B3GALT1: variants seen among roughly 807,000 people sequenced by gnomAD.
B3GALT1 encodes the protein beta-1,3-galactosyltransferase 1.
In B3GALT1, 10 loss-of-function variants were observed where a neutral mutation model predicts 23.2. That is an observed-to-expected ratio of 0.43 (90% confidence interval 0.27 to 0.73). B3GALT1 has a LOEUF of 0.73. B3GALT1 is among the 30% of genes least tolerant of loss of function. B3GALT1 has a pLI of 0.21. For synonymous variants in B3GALT1, 156 were observed against 141.5 expected (o/e 1.10, Z -0.73); for missense variants, 299 against 405.4 (o/e 0.74, Z 2.25).
intron 1 of B3GALT1, among the ~76,000 whole-genome samples, 160 bp from the exon 2 acceptor site, chr2:167,490,017 G>C (rs2105341375): frequency 6.6e-6 from 1 of 152,272 alleles, no homozygotes; most frequent in African/African-American, 2.4e-5. Flanking sequence ...TTCAAATTAA[G>C]TGTTCCTCAA....
intron 1 of B3GALT1, among the ~76,000 whole-genome samples, chr2:167,333,289 C>T (rs1435930750): frequency 1.3e-5 from 2 of 152,164 alleles, no homozygotes; most frequent in Admixed American, 1.3e-4. Flanking sequence ...CCAAGAAGCT[C>T]CCTAGTTTAC....
At chr2:167,502,451 G>T (rs975249079) in intron 2 of B3GALT1, among the ~76,000 whole-genome samples, 1 of 152,180 alleles carries the variant, frequency 6.6e-6, no homozygotes, top group Non-Finnish European at 1.5e-5. Flanking sequence ...TTGTTAGAAA[G>T]AACTACCTGA....
intron 4 of B3GALT1, among the ~76,000 whole-genome samples, chr2:167,863,453 G>C (rs1206397537): frequency 6.6e-6 from 1 of 152,132 alleles, no homozygotes; most frequent in East Asian, 1.9e-4. Context: ...ATTTGGCAAT[G>C]GTTGTTAATA....
intron 4 of B3GALT1, among the ~76,000 whole-genome samples, chr2:167,862,002 T>C (rs1259909838): frequency 6.6e-6 from 1 of 152,206 alleles, no homozygotes; most frequent in Non-Finnish European, 1.5e-5. Flanking sequence ...GTGAGGCTCC[T>C]GCAACCTTGC....
At chr2:167,693,280 A>G (rs1436032386) in intron 3 of B3GALT1, among the ~76,000 whole-genome samples, 1 of 152,150 alleles carries the variant, frequency 6.6e-6, no homozygotes, top group Non-Finnish European at 1.5e-5. Context: ...AAACAAAAAA[A>G]GAGATGTCAG....
intron 1 of B3GALT1, among the ~76,000 whole-genome samples, chr2:167,367,137 GAGACGTATACATTTTTTGGA>G (rs1697600483): frequency 6.6e-6 from 1 of 152,160 alleles, no homozygotes; most frequent in African/African-American, 2.4e-5. Flanking sequence ...AACAAAGACA[GAGACGTATACATTTTTTGGA>G]AGATTTCCAA....
rs767958450 is a variant in B3GALT1, at chr2:167,869,775, G to A, written c.736G>A (p.Asp246Asn). 1.9e-6 allele frequency: 3 copies of A among 1,614,094 alleles called. No individual in the cohort carries two copies. Among genetic ancestry groups the A allele is most frequent in the South Asian group, 1.1e-5 (1 of 91,086 alleles). ...CSGTGYIFSA[D>N]VAELIYKTSL... The stretch of plus-strand genomic sequence containing the variant: ...GGGGACTGGCTACATCTTTTCAGCC[G>A]ATGTAGCTGAACTCATTTACAAGAC... The change falls in exon 5 of 5, where the codon GAT becomes AAT. Residue 246 changes from aspartate to asparagine, a missense_variant. Around this residue, in one of 3 missense-constraint regions of B3GALT1, gnomAD observed 133 missense variants for 204.8 expected, o/e 0.65. Transcript: ENST00000392690. The surrounding 1 kb of genome is among the most constrained non-coding windows in gnomAD (Gnocchi z 6.4).
chr2:167,763,566 C>G (rs1026346669), intron 3 of B3GALT1, among the ~76,000 whole-genome samples: 4 of 151,764 alleles, frequency 2.6e-5, no homozygotes, highest in Non-Finnish European at 5.9e-5. Context: ...GTGGCACGCA[C>G]CTGTAATCCA....
At chr2:167,615,548 A>C (rs569978700) in intron 2 of B3GALT1, among the ~76,000 whole-genome samples, 2 of 152,120 alleles carry the variant, frequency 1.3e-5, no homozygotes, top group Non-Finnish European at 2.9e-5. Flanking sequence ...TAATGTTCTC[A>C]CTACTAAAAA....
At position 167,843,970 on chromosome 2, in the gene B3GALT1, A is replaced by G. The variant is rs116320056; in HGVS notation, c.-229-24841A>G. Among the ~76,000 whole-genome samples, 993 of 152,330 alleles carry G rather than the reference A, an allele frequency of 6.5e-3. 11 individuals are homozygous for G. Among genetic ancestry groups the G allele is most frequent in the African/African-American group, 0.021 (868 of 41,576 alleles). On this transcript the variant is annotated intron_variant, in intron 4 of 4. Coordinates refer to ENST00000392690, the MANE Select transcript of B3GALT1 (RefSeq NM_020981.4). The stretch of plus-strand genomic sequence containing the variant: ...ACCAAGAACAATGTCATCTGTCCCT[A>G]TATTCATATCACTGGATTCTCTGAG...
chr2:167,384,634 T>A (rs1697898915), intron 1 of B3GALT1, among the ~76,000 whole-genome samples: 1 of 152,094 alleles, frequency 6.6e-6, no homozygotes, highest in African/African-American at 2.4e-5. Flanking sequence ...AGAATGTCTA[T>A]CGTCTTGTCT....
At chr2:167,786,645 G>A (rs796893974) in intron 3 of B3GALT1, among the ~76,000 whole-genome samples, 24 of 152,278 alleles carry the variant, frequency 1.6e-4, no homozygotes, top group African/African-American at 5.8e-4. Context: ...TAGGCACATG[G>A]AATATTTGTA....
At chr2:167,567,534 G>C (rs1684194458) in intron 2 of B3GALT1, among the ~76,000 whole-genome samples, 1 of 151,940 alleles carries the variant, frequency 6.6e-6, no homozygotes, top group African/African-American at 2.4e-5. Flanking sequence ...TGCCTGTTTT[G>C]GTTGTTTTAT....
At chr2:167,722,045 C>A (rs1352546828) in intron 3 of B3GALT1, among the ~76,000 whole-genome samples, 1 of 152,096 alleles carries the variant, frequency 6.6e-6, no homozygotes, top group African/African-American at 2.4e-5. Flanking sequence ...GTATTCTCTC[C>A]AAATTGCTTT....
rs539619996 is a variant in B3GALT1, at chr2:167,481,619, G to A, written c.-510-8558G>A. Among the ~76,000 whole-genome samples, 4 of 152,180 alleles carry A rather than the reference G, an allele frequency of 2.6e-5. No individual in the cohort carries two copies. In the East Asian group the frequency reaches 5.8e-4, roughly 22 times the overall value. On this transcript the variant is annotated intron_variant, in intron 1 of 4. Coordinates refer to ENST00000392690, the MANE Select transcript of B3GALT1 (RefSeq NM_020981.4). ...AATGCCTATGTGCCAGGCACTAGGTGTAAGCAACTGAGAAAGAATGATGGT... is the reference window on the plus strand; with the variant it reads ...AATGCCTATGTGCCAGGCACTAGGTATAAGCAACTGAGAAAGAATGATGGT...
chr2:167,677,940 C>T (rs969314463), intron 3 of B3GALT1, among the ~76,000 whole-genome samples: 40 of 152,180 alleles, frequency 2.6e-4, no homozygotes, highest in Admixed American at 1.0e-3. Flanking sequence ...TGTGAGAACG[C>T]ATCCACTATC....
intron 1 of B3GALT1, among the ~76,000 whole-genome samples, chr2:167,342,121 G>T (rs1415624236): frequency 6.6e-6 from 1 of 152,092 alleles, no homozygotes; most frequent in Non-Finnish European, 1.5e-5. Flanking sequence ...CAAAGAAATT[G>T]CTCTAAGCAA....
Position 167,617,631 on chromosome 2 carries a change from C to G in B3GALT1, c.-409-29278C>G, listed in dbSNP as rs752346877. Among the ~76,000 whole-genome samples, 4 of 152,068 alleles carry G rather than the reference C, an allele frequency of 2.6e-5. No homozygotes were observed. The South Asian group carries it at 6.2e-4, about 24-fold the overall frequency. Reference sequence around the variant, plus strand: ...ACTTTTTTTGGAGAAATAGGCTAGCCCACATTTCTAGTTAACTACATTCTT... The same window carrying G: ...ACTTTTTTTGGAGAAATAGGCTAGCGCACATTTCTAGTTAACTACATTCTT... On this transcript the variant is annotated intron_variant, in intron 2 of 4. Transcript: ENST00000392690.
intron 1 of B3GALT1, among the ~76,000 whole-genome samples, chr2:167,410,198 T>C (rs1698368881): frequency 6.6e-6 from 1 of 152,116 alleles, no homozygotes; most frequent in Non-Finnish European, 1.5e-5. Context: ...ACACCCATTC[T>C]TCTCACTCAT....
Sources: gnomAD v4.1 joint callset for allele counts (sites outside exome capture counted in the v4.1 genomes callset) on GRCh38, gnomAD v4.1.1 for gene constraint, gnomAD v4.1.1 regional missense constraint, Gnocchi (gnomAD v3.1) non-coding constraint, MANE v1.5 for transcripts, NCBI Gene and HGNC (gene_info 2026-07-23, HGNC 2026-07-21) for gene names.